PDE10A: variants seen among roughly 807,000 people sequenced by gnomAD.
PDE10A encodes the protein phosphodiesterase 10A.
PDE10A carries 39 observed loss-of-function variants against 97.7 expected under a neutral mutation model. That is an observed-to-expected ratio of 0.40 (90% CI 0.31 to 0.52). The LOEUF (loss-of-function observed/expected upper bound fraction) is 0.52, where lower values mean the gene tolerates loss of function less well. PDE10A is among the 20% of genes least tolerant of loss of function. The probability of loss-of-function intolerance (pLI) is 0.56; values close to 1 mark genes in which losing one functional copy is unlikely to be tolerated. For missense variants in PDE10A, 731 were observed against 1,047.8 expected, an observed-to-expected ratio of 0.70 and a Z score of 4.17; for synonymous variants, 371 against 376.8, an observed-to-expected ratio of 0.98 and a Z score of 0.18.
chr6:165,801,035 C>T (rs974384543), intron 1 of PDE10A, among the ~76,000 whole-genome samples: 2 of 152,228 alleles, frequency 1.3e-5, no homozygotes, highest in Non-Finnish European at 2.9e-5. Flanking sequence ...TAGTAGTCAG[C>T]TGGTCTGCTT....
intron 15 of PDE10A, among the ~76,000 whole-genome samples, chr6:165,394,622 A>G (rs1785995030): frequency 6.6e-6 from 1 of 152,204 alleles, no homozygotes; most frequent in Admixed American, 6.6e-5. Flanking sequence ...TTCTAGTTCT[A>G]GATCCTTGAG....
At chr6:165,421,273 C>G (rs1186544391) in intron 10 of PDE10A, among the ~76,000 whole-genome samples, 1 of 152,008 alleles carries the variant, frequency 6.6e-6, no homozygotes, top group Non-Finnish European at 1.5e-5. Context: ...GAGACCCCTT[C>G]TCTACAAAAC....
intron 18 of PDE10A, among the ~76,000 whole-genome samples, chr6:165,347,208 T>G (rs916675681): frequency 6.6e-6 from 1 of 152,138 alleles, no homozygotes; most frequent in Non-Finnish European, 1.5e-5. Context: ...ATGTGACCTA[T>G]TTTGAGTAAT....
chr6:165,691,620 C>G (rs1189030930), intron 1 of PDE10A, among the ~76,000 whole-genome samples: 1 of 149,646 alleles, frequency 6.7e-6, no homozygotes, highest in Non-Finnish European at 1.5e-5. Context: ...CACACACACA[C>G]ACACAGCATC....
At chr6:165,687,195 A>G (rs963389921) in intron 1 of PDE10A, among the ~76,000 whole-genome samples, 18 of 152,220 alleles carry the variant, frequency 1.2e-4, no homozygotes, top group Non-Finnish European at 2.5e-4. Flanking sequence ...TGCCTGCGTC[A>G]TGCCAGCCAC....
At chr6:165,702,430 G>A (rs1373862681) in intron 1 of PDE10A, among the ~76,000 whole-genome samples, 3 of 152,174 alleles carry the variant, frequency 2.0e-5, no homozygotes, top group East Asian at 1.9e-4. Flanking sequence ...TCATGAGCCA[G>A]GCAGCGTCCC....
chr6:165,921,874 G>A (rs946136897), intron 1 of PDE10A, among the ~76,000 whole-genome samples: 5 of 152,152 alleles, frequency 3.3e-5, no homozygotes, highest in Admixed American at 2.6e-4. Context: ...TGAGCTCTGA[G>A]CTGAGGAGTG....
chr6:165,765,607 CT>C (rs1485001034), intron 1 of PDE10A, among the ~76,000 whole-genome samples: 1 of 152,230 alleles, frequency 6.6e-6, no homozygotes, highest in Non-Finnish European at 1.5e-5. Flanking sequence ...CCACGCCCAC[CT>C]GGAACTCCAG....
chr6:165,463,146 T>C (rs2128261215), intron 3 of PDE10A, among the ~76,000 whole-genome samples: 1 of 152,290 alleles, frequency 6.6e-6, no homozygotes, highest in Admixed American at 6.5e-5. Context: ...CACACTACGT[T>C]CAGCTGATCT....
At chr6:165,535,081 C>CGAATTCA (rs1268230654) in intron 2 of PDE10A, among the ~76,000 whole-genome samples, 2 of 151,874 alleles carry the variant, frequency 1.3e-5, no homozygotes, top group Non-Finnish European at 2.9e-5. Flanking sequence ...AACTGATACA[C>CGAATTCA]GAATTCAGTA....
At position 165,956,160 on chromosome 6, in the gene PDE10A, C is replaced by T. The variant is rs560377588; in HGVS notation, c.-615+31369G>A. Among the ~76,000 whole-genome samples the T allele has an allele frequency of 2.6e-5, 4 of 152,268 alleles. No individual in the cohort carries two copies. In the South Asian group the frequency reaches 8.3e-4, roughly 32 times the overall value. On this transcript the variant is annotated intron_variant, in intron 1 of 19. Transcript: ENST00000366882. ...AGTAAAATTCGTGTCATAATAGTAG[C>T]ATCTTATTTTCAGCAATTTCTACTT...
chr6:165,605,113 T>C (rs1403947749), intron 1 of PDE10A, among the ~76,000 whole-genome samples: 1 of 152,122 alleles, frequency 6.6e-6, no homozygotes, highest in Non-Finnish European at 1.5e-5. Flanking sequence ...CTCATACCTG[T>C]TCTCTTTCCA....
intron 1 of PDE10A, among the ~76,000 whole-genome samples, chr6:165,608,078 A>G (rs769089164): frequency 6.6e-5 from 9 of 136,416 alleles, no homozygotes; most frequent in Non-Finnish European, 1.0e-4. Flanking sequence ...ATATATGTAT[A>G]TATGTATATA....
rs142844076 is a variant in PDE10A at position 165,424,201 on chromosome 6, C to T, written c.1653+4457G>A. 3.1e-3 allele frequency among the ~76,000 whole-genome samples: 472 copies of T among 152,242 alleles called. 1 individual carries two copies. The highest frequency in any genetic ancestry group is 5.3e-3 in the Non-Finnish European group (361 of 68,020). Reference sequence around the variant, plus strand: ...AAGCTTGCCACAGCCTCCCCAGCTACGTTAGATCCCATCACAAGCTTTCAG... The same window carrying T: ...AAGCTTGCCACAGCCTCCCCAGCTATGTTAGATCCCATCACAAGCTTTCAG... On this transcript the variant is annotated intron_variant, in intron 10 of 21. Coordinates refer to ENST00000539869, the MANE Select transcript of PDE10A (RefSeq NM_001385079.1).
chr6:165,739,564 A>C (rs1165994340), intron 1 of PDE10A, among the ~76,000 whole-genome samples: 1 of 152,200 alleles, frequency 6.6e-6, no homozygotes, highest in African/African-American at 2.4e-5. Context: ...AAAGCTTTTG[A>C]AATTGGTCTG....
intron 21 of PDE10A, 80 bp downstream of exon 21, chr6:165,336,043 A>G (rs568899252): frequency 6.6e-6 from 7 of 1,057,746 alleles, no homozygotes; most frequent in Admixed American, 3.7e-5. Flanking sequence ...ACCACAACAC[A>G]CTAGTGGGGT....
At chr6:165,499,126 G>C (rs940033971) in intron 2 of PDE10A, among the ~76,000 whole-genome samples, 17 of 152,150 alleles carry the variant, frequency 1.1e-4, no homozygotes, top group African/African-American at 3.9e-4. Flanking sequence ...TTCTCCTTCA[G>C]ACCATCTAAC....
chr6:165,509,162 T>C lies in PDE10A; in HGVS notation c.995-26819A>G, dbSNP rs527663177. Among the ~76,000 whole-genome samples the C allele has an allele frequency of 4.8e-3, 737 of 152,190 alleles. 2 individuals carry two copies. Among genetic ancestry groups the C allele is most frequent in the Non-Finnish European group, 7.8e-3 (533 of 67,958 alleles). On this transcript the variant is annotated intron_variant, in intron 2 of 21. Transcript: ENST00000539869. The stretch of plus-strand genomic sequence containing the variant: ...TTATTGATATATATTATTTTCAATA[T>C]TTATGAGGTATATATAAGTATTTTT...
chr6:165,663,388 G>A (rs1466300862), upstream of PDE10A, among the ~76,000 whole-genome samples: 2 of 152,154 alleles, frequency 1.3e-5, no homozygotes, highest in Non-Finnish European at 2.9e-5. Context: ...GGGGCGGGCG[G>A]ACAGAGCAAC....
Sources: gnomAD v4.1 joint callset for allele counts (sites outside exome capture counted in the v4.1 genomes callset) on GRCh38, gnomAD v4.1.1 for gene constraint, MANE v1.5 for transcripts, NCBI Gene and HGNC (gene_info 2026-07-23, HGNC 2026-07-21) for gene names.